ASB3: variants seen among roughly 807,000 people sequenced by gnomAD.
ASB3 encodes ankyrin repeat and SOCS box containing 3.
A neutral mutation model predicts 54.5 loss-of-function variants in ASB3; 41 were observed. That is an observed-to-expected ratio of 0.75 (90% CI 0.59 to 0.98). ASB3 has a LOEUF of 0.98. Ranked by LOEUF, ASB3 falls within the 50% of genes least tolerant of loss-of-function variation. The pLI, the probability that ASB3 is intolerant of heterozygous loss-of-function variation, is 0.00. For synonymous variants in ASB3, 266 were observed against 221.2 expected, an observed-to-expected ratio of 1.20 and a Z score of -1.80; for missense variants, 733 against 620.0, an observed-to-expected ratio of 1.18 and a Z score of -1.94.
At chr2:53,749,253 A>C (rs76812444) in intron 3 of ASB3, among the ~76,000 whole-genome samples, 12,287 of 152,164 alleles carry the variant, frequency 0.081, 657 homozygotes, top group Non-Finnish European at 0.12. Context: ...ACAGTGAGAT[A>C]CTACTAAACC....
intron 3 of ASB3, among the ~76,000 whole-genome samples, chr2:53,740,790 A>G (rs1671891282): frequency 6.6e-6 from 1 of 152,222 alleles, no homozygotes; most frequent in South Asian, 2.1e-4. Flanking sequence ...CTAATGGCCA[A>G]TTAGACATCA....
intron 1 of ASB3, among the ~76,000 whole-genome samples, chr2:53,784,635 A>G (rs1446253122): frequency 6.6e-6 from 1 of 152,136 alleles, no homozygotes; most frequent in Non-Finnish European, 1.5e-5. Context: ...TTATAGACAC[A>G]TACTGCAATC....
At chr2:53,773,959 C>A (rs1235144755) in intron 1 of ASB3, among the ~76,000 whole-genome samples, 1 of 152,016 alleles carries the variant, frequency 6.6e-6, no homozygotes, top group African/African-American at 2.4e-5. Context: ...AGCTTGAACC[C>A]GGGAGGCTGA....
Position 53,700,372 on chromosome 2 carries a change from T to C in ASB3, c.1137A>G (p.Glu379=), listed in dbSNP as rs764493817. ...GTGCTTTAATTGCATGATTTACAAA[T>C]TCATATATATGGTTCCATGGTCCCA... The part of the protein sequence containing the change: ...CSLGPWNHIY[E]FVNHAIKAQA... Residue 379 remains glutamate, a synonymous_variant, in exon 8 of 10, where the codon GAA becomes GAG. Coordinates refer to ENST00000263634, the MANE Select transcript of ASB3 (RefSeq NM_016115.5). 1.9e-6 allele frequency: 3 copies of C among 1,614,076 alleles called. No homozygotes were observed. Among genetic ancestry groups the C allele is most frequent in the East Asian group, 2.2e-5 (1 of 44,858 alleles).
chr2:53,751,326 C>A (rs1044980610), intron 2 of ASB3, among the ~76,000 whole-genome samples: 1 of 152,046 alleles, frequency 6.6e-6, no homozygotes. Context: ...TTTTAAATTT[C>A]TATAAGGGAA....
chr2:53,779,730 CCCAGT>C (rs1674542037), intron 1 of ASB3, among the ~76,000 whole-genome samples: 1 of 152,236 alleles, frequency 6.6e-6, no homozygotes, highest in Non-Finnish European at 1.5e-5. Context: ...AGCCACTATG[CCCAGT>C]CCAATCAAGT....
intron 3 of ASB3, among the ~76,000 whole-genome samples, chr2:53,734,716 G>C (rs1671516765): frequency 6.6e-6 from 1 of 151,942 alleles, no homozygotes; most frequent in African/African-American, 2.4e-5. Flanking sequence ...AGTTCCTACT[G>C]CCTCTGGCAT....
chr2:53,699,899 G>A (rs1488492735), intron 8 of ASB3, among the ~76,000 whole-genome samples: 5 of 152,162 alleles, frequency 3.3e-5, no homozygotes, highest in Admixed American at 3.3e-4. Context: ...TGTACGGCAG[G>A]ACTATTCAGT....
intron 1 of ASB3, among the ~76,000 whole-genome samples, chr2:53,772,551 C>T (rs1012295356): frequency 2.8e-5 from 4 of 143,494 alleles, no homozygotes; most frequent in Admixed American, 6.9e-5. Flanking sequence ...TACCTGCCCC[C>T]GACAGCCAGA....
chr2:53,758,649 A>G (rs1672970432), intron 2 of ASB3, among the ~76,000 whole-genome samples: 1 of 152,146 alleles, frequency 6.6e-6, no homozygotes, highest in Non-Finnish European at 1.5e-5. Context: ...AAGGTGGGAA[A>G]AGGGGTGCAG....
intron 1 of ASB3, among the ~76,000 whole-genome samples, chr2:53,765,927 C>A (rs1011599745): frequency 2.9e-5 from 3 of 103,466 alleles, no homozygotes; most frequent in Admixed American, 1.7e-4. Context: ...GATAAGAGCA[C>A]CCTCTTTGGT....
intron 1 of ASB3, among the ~76,000 whole-genome samples, chr2:53,775,397 A>G (rs1674267107): frequency 6.6e-6 from 1 of 151,772 alleles, no homozygotes; most frequent in Admixed American, 6.6e-5. Context: ...TTTTCTTTGC[A>G]GCCTGCGTCT....
At chr2:53,771,850 A>G in intron 1 of ASB3, 1 of 922,330 alleles carries the variant, frequency 1.1e-6, no homozygotes, top group South Asian at 1.5e-5. Flanking sequence ...GCTAATGCTC[A>G]GCTACTTAAT....
At chr2:53,694,774 C>T (rs1479621454) in intron 8 of ASB3, among the ~76,000 whole-genome samples, 4 of 152,092 alleles carry the variant, frequency 2.6e-5, no homozygotes, top group African/African-American at 9.7e-5. Flanking sequence ...ACTCTCGCTC[C>T]TGCTTTTTAA....
At position 53,780,704 on chromosome 2, in the gene ASB3, G is replaced by A. The variant is rs557204835; in HGVS notation, c.-14+6117C>T. Among the ~76,000 whole-genome samples, 25 of 152,230 alleles carry A rather than the reference G, an allele frequency of 1.6e-4. 1 individual carries two copies. Among genetic ancestry groups the A allele is most frequent in the Admixed American group, 9.8e-4 (15 of 15,290 alleles). On this transcript the variant is annotated intron_variant, in intron 1 of 9. Coordinates refer to ENST00000263634, the MANE Select transcript of ASB3 (RefSeq NM_016115.5). ...AAAGCAGAAGGATCTCTTGAGCCCA[G>A]AAGTTCAAGGCTGCAGTGAGCTATC... is the stretch of plus-strand genomic sequence containing the variant.
intron 2 of ASB3, chr2:53,763,552 A>G (rs1673268677): frequency 5.9e-6 from 1 of 169,344 alleles, no homozygotes; most frequent in Admixed American, 6.5e-5. Flanking sequence ...GCATCCATGA[A>G]TTTTGGTGTC....
At chr2:53,681,194 C>A (rs1453538699) in intron 9 of ASB3, among the ~76,000 whole-genome samples, 2 of 152,180 alleles carry the variant, frequency 1.3e-5, no homozygotes, top group Non-Finnish European at 2.9e-5. Flanking sequence ...TAAACATTTT[C>A]TCTTCAATAT....
chr2:53,765,668 G>A, intron 1 of ASB3, 83 bp from the exon 2 acceptor site: 1 of 1,505,834 alleles, frequency 6.6e-7, no homozygotes, highest in Non-Finnish European at 9.1e-7. Flanking sequence ...CGGTGGGCCT[G>A]TCTAGTATCT....
intron 1 of ASB3, among the ~76,000 whole-genome samples, chr2:53,782,643 C>A (rs1428031436): frequency 6.6e-6 from 1 of 152,178 alleles, no homozygotes; most frequent in African/African-American, 2.4e-5. Flanking sequence ...CTTTGAGCAT[C>A]TTCATGTTCC....
Sources: gnomAD v4.1 joint callset for allele counts (sites outside exome capture counted in the v4.1 genomes callset) on GRCh38, gnomAD v4.1.1 for gene constraint, MANE v1.5 for transcripts, NCBI Gene and HGNC (gene_info 2026-07-23, HGNC 2026-07-21) for gene names.